BTBD16: variants seen among roughly 807,000 people sequenced by gnomAD.
BTBD16 encodes the protein BTB domain containing 16, also known as BTB/POZ domain-containing protein 16.
Under a neutral mutation model 67.4 loss-of-function variants are expected in BTBD16, and 66 were observed. That is an observed-to-expected ratio of 0.98 (90% CI 0.80 to 1.20). The LOEUF (loss-of-function observed/expected upper bound fraction) is 1.20. Ranked by LOEUF, BTBD16 falls within the 50% of genes most tolerant of loss-of-function variation. The pLI is 0.00. For missense variants in BTBD16, 634 were observed against 616.0 expected (o/e 1.03, Z -0.31); for synonymous variants, 242 against 236.4 (o/e 1.02, Z -0.22).
At chr10:122,297,695 G>A in intron 7 of BTBD16, 73 bp from the exon 8 acceptor site, 1 of 1,531,126 alleles carries the variant, frequency 6.5e-7, no homozygotes, top group Non-Finnish European at 9.0e-7. Flanking sequence ...AGTTGAATGA[G>A]AATCTCTGGG....
chr10:122,289,460 C>T lies in BTBD16; in HGVS notation c.386-449C>T, dbSNP rs149381523. ...AGTATTTAAAAATGCGTCTATAGGC[C>T]GGGCGCGGTGGTTCACATTTGTAAT... On this transcript the variant is annotated intron_variant, in intron 5 of 15. Transcript: ENST00000260723. Among the ~76,000 whole-genome samples, 726 of 152,248 alleles carry T rather than the reference C, an allele frequency of 4.8e-3. 8 individuals are homozygous for T. The highest frequency in any genetic ancestry group is 0.015 in the African/African-American group (637 of 41,536).
chr10:122,272,093 C>G (rs1407116648), intron 1 of BTBD16, among the ~76,000 whole-genome samples: 7 of 152,108 alleles, frequency 4.6e-5, no homozygotes, highest in African/African-American at 1.4e-4. Context: ...CATCCTGGCT[C>G]CTGTGAGGTA....
intron 9 of BTBD16, among the ~76,000 whole-genome samples, chr10:122,302,577 T>C (rs949313170): frequency 1.3e-5 from 2 of 152,214 alleles, no homozygotes; most frequent in Non-Finnish European, 2.9e-5. Context: ...GAGCTATGCA[T>C]GTCCTCCTTG....
chr10:122,311,800 T>A (rs1474239511), intron 10 of BTBD16, among the ~76,000 whole-genome samples: 1 of 152,220 alleles, frequency 6.6e-6, no homozygotes, highest in African/African-American at 2.4e-5. Flanking sequence ...CAGTACCTAC[T>A]TCTTCCACCA....
At chr10:122,299,213 C>G in intron 9 of BTBD16, 79 bp downstream of exon 9, 1 of 1,500,786 alleles carries the variant, frequency 6.7e-7, no homozygotes, top group East Asian at 2.4e-5. Flanking sequence ...GGGAGGTGCT[C>G]TGATGGAGGC....
chr10:122,280,481 C>T (rs908981075), intron 3 of BTBD16, among the ~76,000 whole-genome samples: 8 of 151,962 alleles, frequency 5.3e-5, no homozygotes, highest in Admixed American at 3.3e-4. Flanking sequence ...CCTTTCTGCC[C>T]GCAATGCCAA....
chr10:122,337,136 C>A (rs1266013574), intron 15 of BTBD16, among the ~76,000 whole-genome samples: 1 of 152,188 alleles, frequency 6.6e-6, no homozygotes, highest in East Asian at 1.9e-4. Flanking sequence ...TAGGCAGATC[C>A]ACTGCCTGGC....
Position 122,334,947 on chromosome 10 carries a change from C to G in BTBD16, c.1231C>G (p.His411Asp). ...CTTCTTTAAGATAAAGGGACTCAAA[C>G]ATGATACTACCTCTTATAGTTTTTA... is the stretch of plus-strand genomic sequence containing the variant. ...GFFFKIKGLKHDTTSYSFYMQ... is the reference protein window; with the variant it reads ...GFFFKIKGLKDDTTSYSFYMQ... The change falls in exon 14 of 16, where the codon CAT (histidine) becomes GAT (aspartate). Residue 411 changes from histidine (H) to aspartate (D), a missense_variant. Transcript: ENST00000260723. The G allele has an allele frequency of 1.9e-6, 3 of 1,559,862 alleles. No homozygotes were observed. The highest frequency in any genetic ancestry group is 2.6e-6 in the Non-Finnish European group (3 of 1,133,162).
intron 10 of BTBD16, among the ~76,000 whole-genome samples, chr10:122,315,702 A>T (rs189435247): frequency 1.3e-5 from 2 of 152,104 alleles, no homozygotes; most frequent in Non-Finnish European, 2.9e-5. Context: ...TTAAGATTTT[A>T]TGGGTCTTTT....
intron 7 of BTBD16, chr10:122,295,356 G>A (rs2096381251): frequency 1.0e-6 from 1 of 985,294 alleles, no homozygotes; most frequent in South Asian, 4.7e-5. Context: ...GGATAAGCCT[G>A]GCCACTAAGA....
intron 10 of BTBD16, among the ~76,000 whole-genome samples, chr10:122,308,873 G>T (rs561355315): frequency 6.6e-6 from 1 of 152,112 alleles, no homozygotes; most frequent in African/African-American, 2.4e-5. Context: ...TGAGCCCCGG[G>T]CTCCTTCACC....
rs150599130 is a variant in BTBD16 at position 122,298,896 on chromosome 10, C to A, written c.661-108C>A. The A allele has an allele frequency of 1.7e-3, 2,477 of 1,443,968 alleles. 46 individuals carry two copies. In the African/African-American group the frequency reaches 0.032, roughly 19 times the overall value. The allele number at this position is 1,443,968 out of a possible 1,614,324, so 89.4% of individuals were successfully genotyped here. ...GTATTTTGTAGAAAAGGTTTGAGCGCCTCTGCAGTGACTCTCCCTCTGAGC... is the reference window on the plus strand; with the variant it reads ...GTATTTTGTAGAAAAGGTTTGAGCGACTCTGCAGTGACTCTCCCTCTGAGC... On this transcript the variant is annotated intron_variant, in intron 8 of 15. Coordinates refer to ENST00000260723, the MANE Select transcript of BTBD16 (RefSeq NM_144587.5).
chr10:122,321,967 T>C (rs1377940346), intron 10 of BTBD16, among the ~76,000 whole-genome samples: 3 of 152,182 alleles, frequency 2.0e-5, no homozygotes, highest in Non-Finnish European at 2.9e-5. Context: ...AGGCCTTACA[T>C]TTAAGTCTTT....
chr10:122,318,005 G>A (rs540949029), intron 10 of BTBD16, among the ~76,000 whole-genome samples: 4 of 152,272 alleles, frequency 2.6e-5, no homozygotes, highest in African/African-American at 7.2e-5. Context: ...GTAATTGCAT[G>A]TATTACACTT....
chr10:122,278,317 A>T (rs942570538), intron 3 of BTBD16, among the ~76,000 whole-genome samples: 5 of 152,138 alleles, frequency 3.3e-5, no homozygotes, highest in African/African-American at 1.2e-4. Context: ...TGGGGCTGGA[A>T]TCTCCACTTC....
In BTBD16 at chr10:122,287,727, C is replaced by T. The variant is rs1342523874; in HGVS notation, c.385+1479C>T. Reference sequence around the variant, plus strand: ...GTGTTGCTATCCTGGAACTTCTGGCCAGACCCTGGATTGCTGGACTCTGCA... The same window carrying T: ...GTGTTGCTATCCTGGAACTTCTGGCTAGACCCTGGATTGCTGGACTCTGCA... On this transcript the variant is annotated intron_variant, in intron 5 of 15. Coordinates refer to ENST00000260723, the MANE Select transcript of BTBD16 (RefSeq NM_144587.5). Among the ~76,000 whole-genome samples the T allele has an allele frequency of 3.9e-5, 6 of 152,164 alleles. No homozygotes were observed. In the South Asian group the frequency reaches 6.2e-4, roughly 16 times the overall value.
intron 9 of BTBD16, among the ~76,000 whole-genome samples, chr10:122,301,777 A>G (rs2096394476): frequency 1.3e-5 from 2 of 151,510 alleles, no homozygotes; most frequent in Admixed American, 1.3e-4. Context: ...TGCTATGTGC[A>G]CTCTCCCTTT....
At chr10:122,283,507 C>T (rs998153238) in intron 3 of BTBD16, among the ~76,000 whole-genome samples, 2 of 152,150 alleles carry the variant, frequency 1.3e-5, no homozygotes, top group African/African-American at 4.8e-5. Flanking sequence ...ACCCTCTATT[C>T]TTTTCTCCCA....
chr10:122,286,636 G>C (rs2096364361), intron 5 of BTBD16, among the ~76,000 whole-genome samples: 1 of 152,170 alleles, frequency 6.6e-6, no homozygotes, highest in Non-Finnish European at 1.5e-5. Context: ...GAGCTTTCTG[G>C]AAGGAAGGTG....
Sources: gnomAD v4.1 joint callset for allele counts (sites outside exome capture counted in the v4.1 genomes callset) on GRCh38, gnomAD v4.1.1 for gene constraint, MANE v1.5 for transcripts, NCBI Gene and HGNC (gene_info 2026-07-23, HGNC 2026-07-21) for gene names.